The following MAP3K2 variants were observed in gnomAD, a reference collection of about 807,000 sequenced individuals.
MAP3K2 encodes mitogen-activated protein kinase kinase kinase 2.
A neutral mutation model predicts 80.3 loss-of-function variants in MAP3K2; 24 were observed. That is an observed-to-expected ratio of 0.30 (90% CI 0.22 to 0.42). MAP3K2 has a LOEUF of 0.42. MAP3K2 is among the 10% of genes least tolerant of loss of function. The pLI, the probability that MAP3K2 is intolerant of heterozygous loss-of-function variation, is 1.00. For missense variants in MAP3K2, 608 were observed against 750.1 expected, an observed-to-expected ratio of 0.81 and a Z score of 2.21; for synonymous variants, 244 against 253.7, an observed-to-expected ratio of 0.96 and a Z score of 0.36.
At chr2:127,319,892 T>C (rs1447213136) in intron 12 of MAP3K2, among the ~76,000 whole-genome samples, 1 of 150,118 alleles carries the variant, frequency 6.7e-6, no homozygotes, top group Admixed American at 6.6e-5. Context: ...AGAAAATCCC[T>C]TTAGGAAACC....
intron 1 of MAP3K2, among the ~76,000 whole-genome samples, chr2:127,345,116 A>C (rs941126619): frequency 8.5e-5 from 13 of 152,216 alleles, no homozygotes; most frequent in African/African-American, 3.1e-4. Context: ...GGCCTCCCTA[A>C]GTGCTGGGAC....
chr2:127,377,888 T>G (rs1006173362), intron 1 of MAP3K2, among the ~76,000 whole-genome samples: 2 of 152,114 alleles, frequency 1.3e-5, no homozygotes, highest in Non-Finnish European at 2.9e-5. Context: ...CAGATTCAAC[T>G]GCAGAATAAA....
At chr2:127,370,358 G>C (rs1057512536) in intron 1 of MAP3K2, among the ~76,000 whole-genome samples, 2 of 152,164 alleles carry the variant, frequency 1.3e-5, no homozygotes, top group Non-Finnish European at 2.9e-5. Context: ...CAGGGTCTGC[G>C]GGTCGGACCC....
chr2:127,376,672 A>G (rs974973416), intron 1 of MAP3K2, among the ~76,000 whole-genome samples: 6 of 152,142 alleles, frequency 3.9e-5, no homozygotes, highest in Non-Finnish European at 5.9e-5. Context: ...CAATGAATAC[A>G]TGGTATGAGC....
At chr2:127,373,959 C>T (rs1687108980) in intron 1 of MAP3K2, among the ~76,000 whole-genome samples, 2 of 152,370 alleles carry the variant, frequency 1.3e-5, no homozygotes, top group Admixed American at 1.3e-4. Flanking sequence ...TGCTGACAAA[C>T]TCCTTCAGTT....
chr2:127,357,568 G>C (rs991644578), intron 1 of MAP3K2, among the ~76,000 whole-genome samples: 9 of 152,130 alleles, frequency 5.9e-5, no homozygotes, highest in Admixed American at 5.9e-4. Context: ...AGAAGAAAGA[G>C]AACTTAAATT....
rs936545073 is a variant in MAP3K2 at position 127,310,047 on chromosome 2, A to G, written c.1457-1285T>C. Among the ~76,000 whole-genome samples the G allele has an allele frequency of 6.6e-6, 1 of 152,132 alleles. No homozygotes were observed. Reference sequence around the variant, plus strand: ...AAGAGATTTGTCTCCCCTCTCCCACATATTTATTAAATCATTCATTTGCAT... The same window carrying G: ...AAGAGATTTGTCTCCCCTCTCCCACGTATTTATTAAATCATTCATTTGCAT... On this transcript the variant is annotated intron_variant, in intron 15 of 16. Transcript: ENST00000682094. The surrounding 1 kb of genome is among the most constrained non-coding windows in gnomAD (Gnocchi z 4.8).
intron 1 of MAP3K2, among the ~76,000 whole-genome samples, chr2:127,377,487 T>C (rs1019603123): frequency 6.6e-6 from 1 of 152,140 alleles, no homozygotes; most frequent in Admixed American, 6.6e-5. Context: ...ATAGTCATTA[T>C]AGAGAATGAT....
intron 3 of MAP3K2, among the ~76,000 whole-genome samples, 191 bp from the exon 4 acceptor site, chr2:127,337,969 T>C (rs1336036680): frequency 6.6e-6 from 1 of 152,252 alleles, no homozygotes; most frequent in Non-Finnish European, 1.5e-5. Context: ...TTGAGAATTA[T>C]GTTGCTGAAT....
In MAP3K2 at chr2:127,381,095, G is replaced by C. The variant is rs139003551; in HGVS notation, c.-66+6357C>G. On this transcript the variant is annotated intron_variant, in intron 1 of 16. Transcript: ENST00000682094. ...TTGCCCAGGATGCCCTCCAACTCCTGGGCTAAAGGGATTCTCCTGCCTTAA... is the reference window on the plus strand; with the variant it reads ...TTGCCCAGGATGCCCTCCAACTCCTCGGCTAAAGGGATTCTCCTGCCTTAA... Among the ~76,000 whole-genome samples the C allele has an allele frequency of 2.5e-3, 387 of 152,164 alleles. 2 individuals are homozygous for C. The highest frequency in any genetic ancestry group is 8.8e-3 in the African/African-American group (365 of 41,504).
Position 127,314,795 on chromosome 2 carries a change from T to C in MAP3K2, c.1415A>G (p.His472Arg), listed in dbSNP as rs761749947. The C allele has an allele frequency of 5.6e-6, 9 of 1,610,206 alleles. No homozygotes were observed. In the South Asian group the frequency reaches 7.7e-5, roughly 14 times the overall value. Residue 472 changes from histidine (H) to arginine (R), a missense_variant, in exon 15 of 17, where the codon CAT becomes CGT. This residue lies in a region of MAP3K2 where 88 missense variants were observed against 132.4 expected (regional missense o/e 0.66). Transcript: ENST00000682094. Reference sequence around the variant, plus strand: ...GACAATCATATTACTGTGCAAATAATGGACACCCTCCAGAATCTGACGGGT... The same window carrying C: ...GACAATCATATTACTGTGCAAATAACGGACACCCTCCAGAATCTGACGGGT... ...KYTRQILEGV[H>R]YLHSNMIVHR... is the part of the protein sequence containing the mutation.
At chr2:127,385,222 CTTACT>C (rs988219799) in intron 1 of MAP3K2, among the ~76,000 whole-genome samples, 17 of 152,318 alleles carry the variant, frequency 1.1e-4, no homozygotes, top group African/African-American at 3.8e-4. Context: ...TCACTAATGT[CTTACT>C]TTAAGAAATT....
chr2:127,315,515 T>G (rs1001882259), intron 14 of MAP3K2, among the ~76,000 whole-genome samples: 1 of 152,230 alleles, frequency 6.6e-6, no homozygotes, highest in African/African-American at 2.4e-5. Flanking sequence ...GAGAGCATTT[T>G]GCAATTCTGT....
intron 1 of MAP3K2, among the ~76,000 whole-genome samples, chr2:127,381,167 T>C (rs545149449): frequency 1.8e-4 from 28 of 152,144 alleles, no homozygotes; most frequent in Non-Finnish European, 3.5e-4. Context: ...GCTCAAAAAT[T>C]TGTAATTCTT....
chr2:127,375,486 T>C (rs2104894629), intron 1 of MAP3K2, among the ~76,000 whole-genome samples: 1 of 151,996 alleles, frequency 6.6e-6, no homozygotes, highest in African/African-American at 2.4e-5. Flanking sequence ...CTGGGCTCAC[T>C]GCAACCTCTG....
intron 15 of MAP3K2, among the ~76,000 whole-genome samples, chr2:127,314,299 A>G (rs1389069239): frequency 4.6e-5 from 7 of 152,178 alleles, no homozygotes; most frequent in African/African-American, 1.7e-4. Context: ...AGCATATTGC[A>G]TGCATTAACT....
In MAP3K2 at chr2:127,302,175, A is replaced by G. The variant is rs1685605774; in HGVS notation, c.*5404T>C. 1 of 152,182 alleles carries G rather than the reference A, an allele frequency of 6.6e-6. No individual in the cohort carries two copies. Among genetic ancestry groups the G allele is most frequent in the African/African-American group, 2.4e-5 (1 of 41,448 alleles). 9.4% of individuals were successfully genotyped at this position (152,182 alleles called of 1,614,324 possible). ...TACTTTCTATTTAAGAATTATATAT[A>G]AGATTATTTTACATATACACAAATT... On this transcript the variant is annotated 3_prime_UTR_variant, in exon 17 of 17. Transcript: ENST00000682094.
intron 1 of MAP3K2, among the ~76,000 whole-genome samples, chr2:127,368,984 G>A (rs912942598): frequency 6.6e-6 from 1 of 151,990 alleles, no homozygotes. Flanking sequence ...GTCTCACTCT[G>A]TTGCCCAGGT....
Position 127,303,689 on chromosome 2 carries a change from T to A in MAP3K2, c.*3890A>T, listed in dbSNP as rs934274842. ...AAGGATGTTAATTTAGTACCTGACATAATAAGTTACAATTATTGAACAAAC... is the reference window on the plus strand; with the variant it reads ...AAGGATGTTAATTTAGTACCTGACAAAATAAGTTACAATTATTGAACAAAC... On this transcript the variant is annotated 3_prime_UTR_variant, in exon 17 of 17. Transcript: ENST00000682094. 1 of 151,264 alleles carries A rather than the reference T, an allele frequency of 6.6e-6. No individual in the cohort carries two copies. Among genetic ancestry groups the A allele is most frequent in the African/African-American group, 2.4e-5 (1 of 41,386 alleles). The allele number at this position is 151,264 out of a possible 1,614,324, so 9.4% of individuals were successfully genotyped here. A position where few individuals can be genotyped will look rare whatever the true frequency, so the allele number is the denominator to read the frequency against.
Sources: allele counts gnomAD v4.1 joint callset (sites outside exome capture counted in the v4.1 genomes callset), GRCh38; gene constraint gnomAD v4.1.1; regional missense constraint gnomAD v4.1.1; non-coding constraint Gnocchi (gnomAD v3.1); transcripts MANE v1.5; gene names NCBI Gene and HGNC (gene_info 2026-07-23, HGNC 2026-07-21).